SFTPB: variants seen among roughly 807,000 people sequenced by gnomAD.
SFTPB encodes the protein surfactant protein B, also known as pulmonary surfactant-associated protein B.
A neutral mutation model predicts 51.0 loss-of-function variants in SFTPB; 32 were observed. The ratio of observed to expected loss-of-function variants is 0.63; its 90% confidence interval spans 0.47 to 0.84. The LOEUF (loss-of-function observed/expected upper bound fraction) is 0.84. Ranked by LOEUF, SFTPB falls within the 40% of genes least tolerant of loss-of-function variation. The probability of loss-of-function intolerance (pLI) is 0.00; values close to 1 mark genes in which losing one functional copy is unlikely to be tolerated. For missense variants in SFTPB, 431 were observed against 491.2 expected (o/e 0.88, Z 1.16); for synonymous variants, 211 against 208.5 (o/e 1.01, Z -0.10).
At chr2:85,667,015 G>A in intron 3 of SFTPB, 91 bp downstream of exon 3, 1 of 1,233,244 alleles carries the variant, frequency 8.1e-7, no homozygotes, top group Non-Finnish European at 1.2e-6. Context: ...TCCTCAGCCT[G>A]GAAATGGCCC....
intron 1 of SFTPB, 84 bp downstream of exon 1, chr2:85,668,033 C>G: frequency 7.8e-7 from 1 of 1,277,932 alleles, no homozygotes; most frequent in Non-Finnish European, 1.1e-6. Context: ...AAAATGAGGA[C>G]AGACTTGGGT....
At chr2:85,668,082 G>C in intron 1 of SFTPB, 35 bp downstream of exon 1, 1 of 1,491,674 alleles carries the variant, frequency 6.7e-7, no homozygotes, top group Non-Finnish European at 9.2e-7. Context: ...GAGTGGTGGA[G>C]CTGCCTAGGA....
At chr2:85,666,833 C>T (rs1677674313) in intron 3 of SFTPB, 91 bp from the exon 4 acceptor site, 2 of 1,540,372 alleles carry the variant, frequency 1.3e-6, no homozygotes, top group African/African-American at 2.7e-5. Flanking sequence ...GGCAGACTGA[C>T]CCCTAATCCC....
At chr2:85,666,573 G>GA in intron 4 of SFTPB, 44 bp downstream of exon 4, 1 of 1,608,554 alleles carries the variant, frequency 6.2e-7, no homozygotes, top group Non-Finnish European at 8.5e-7. Context: ...GGGCACAGGG[G>GA]CCTGCGTGGG....
At chr2:85,666,000 A>G (rs1310078975) in intron 4 of SFTPB, among the ~76,000 whole-genome samples, 5 of 152,100 alleles carry the variant, frequency 3.3e-5, no homozygotes, top group Non-Finnish European at 7.4e-5. Context: ...TTGTGTGTGA[A>G]TGAGCATGAG....
rs778349143 is a variant in SFTPB, at chr2:85,663,861, G to A, written c.673-14C>T. 7 of 1,572,036 alleles carry A rather than the reference G, an allele frequency of 4.5e-6. No individual in the cohort carries two copies. In the South Asian group the frequency reaches 4.6e-5, roughly 10 times the overall value. On this transcript the variant is annotated splice_polypyrimidine_tract_variant and intron_variant, in intron 6 of 10. Coordinates refer to ENST00000519937, the MANE Select transcript of SFTPB (RefSeq NM_000542.5). ...AGCTAGCGCACCCTGGGGCGGGGGC[G>A]GAGAGAGGCCAGCATGGGACCTTCA...
chr2:85,660,178 A>G (rs1303876718), intron 10 of SFTPB, among the ~76,000 whole-genome samples: 1 of 148,992 alleles, frequency 6.7e-6, no homozygotes, highest in Non-Finnish European at 1.5e-5. Flanking sequence ...GCTGGAGTGC[A>G]GAGGCGCAAT....
In SFTPB at chr2:85,662,077, C is replaced by G. The variant is rs1446148558; in HGVS notation, c.1035G>C (p.Gln345His). The G allele has an allele frequency of 1.2e-6, 2 of 1,603,510 alleles. No homozygotes were observed. Among genetic ancestry groups the G allele is most frequent in the African/African-American group, 2.7e-5 (2 of 74,882 alleles). The change falls in exon 9 of 11, where the codon CAG becomes CAC. Residue 345 changes from glutamine to histidine, a missense_variant. Coordinates refer to ENST00000519937, the MANE Select transcript of SFTPB (RefSeq NM_000542.5). ...CKQFVEQHTP[Q>H]LLTLVPRGWD... is the part of the protein sequence containing the mutation. ...AGCCCCTGGGCACCAGGGTCAGCAG[C>G]TGGGGCGTGTGCTGCTCCACAAATT...
chr2:85,668,139 G>A lies in SFTPB; in HGVS notation c.45C>T (p.Pro15=). Residue 15 remains proline, a synonymous_variant, in exon 1 of 11, where the codon CCC becomes CCT. Transcript: ENST00000519937. ...HLLQWLLLLL[P]TLCGPGTAAW... ...CACCAGTGCCTGGGCCACAGAGCGTGGGCAGCAGCAGCAGCAGCCACTGCA... is the reference window on the plus strand; with the variant it reads ...CACCAGTGCCTGGGCCACAGAGCGTAGGCAGCAGCAGCAGCAGCCACTGCA... 1 of 1,551,212 alleles carries A rather than the reference G, an allele frequency of 6.4e-7. No individual in the cohort carries two copies.
upstream of SFTPB, chr2:85,668,242 C>A: frequency 6.7e-7 from 1 of 1,503,086 alleles, no homozygotes; most frequent in Non-Finnish European, 9.1e-7. Context: ...CTGGGCGGGG[C>A]GTGGGGGCTC....
At position 85,661,451 on chromosome 2, in the gene SFTPB, C is replaced by A; in HGVS notation, c.*19+3G>T. The A allele has an allele frequency of 6.2e-7, 1 of 1,604,132 alleles. No individual in the cohort carries two copies. Among genetic ancestry groups the A allele is most frequent in the Non-Finnish European group, 8.5e-7 (1 of 1,174,834 alleles). Reference sequence around the variant, plus strand: ...CTCCCCGCAACTGGGGGCCTGGACTCACCTGGACAGCTGAGTTCTCATCAA... The same window carrying A: ...CTCCCCGCAACTGGGGGCCTGGACTAACCTGGACAGCTGAGTTCTCATCAA... On this transcript the variant is annotated splice_donor_region_variant and intron_variant, in intron 10 of 10. Transcript: ENST00000519937.
At chr2:85,660,962 T>A (rs567665109) in intron 10 of SFTPB, among the ~76,000 whole-genome samples, 10 of 152,264 alleles carry the variant, frequency 6.6e-5, no homozygotes, top group African/African-American at 2.2e-4. Flanking sequence ...CCCTCCATCC[T>A]AAGGTGCTCC....
intron 8 of SFTPB, 135 bp downstream of exon 8, chr2:85,663,211 G>T: frequency 1.6e-6 from 2 of 1,235,006 alleles, no homozygotes; most frequent in Non-Finnish European, 2.3e-6. Context: ...ACCATTGTCT[G>T]CCCCACATCC....
chr2:85,665,606 CT>C lies in SFTPB; in HGVS notation c.581del (p.Gln194ArgfsTer21). ...TACTGGCTGTGGGGGCCTCCCTCAC[CT>C]GTGTGTGAGGCCCAGGCCTCGCCTG... is the stretch of plus-strand genomic sequence containing the variant. The part of the protein sequence containing the change: ...ALQARPGPHT[Q>X]DLSEQQFPIP... On this transcript the variant is annotated frameshift_variant and splice_region_variant, in exon 5 of 11. Transcript: ENST00000519937. LOFTEE classifies it high-confidence loss of function. 1 of 1,613,356 alleles carries C rather than the reference CT, an allele frequency of 6.2e-7. No homozygotes were observed. Among genetic ancestry groups the C allele is most frequent in the Admixed American group, 1.7e-5 (1 of 60,026 alleles).
intron 8 of SFTPB, 38 bp downstream of exon 8, chr2:85,663,308 G>A (rs181888994): frequency 3.0e-5 from 48 of 1,604,424 alleles, no homozygotes; most frequent in Middle Eastern, 1.7e-4. Flanking sequence ...TGCCTTGAAC[G>A]GGCCCTGACC....
At chr2:85,668,017 G>A in intron 1 of SFTPB, 100 bp downstream of exon 1, 1 of 1,230,534 alleles carries the variant, frequency 8.1e-7, no homozygotes, top group Non-Finnish European at 1.2e-6. Flanking sequence ...CAGCTGCCTT[G>A]TCTTTAAAAT....
At chr2:85,666,426 TG>T (rs1677623227) in intron 4 of SFTPB, 190 bp downstream of exon 4, 1 of 449,858 alleles carries the variant, frequency 2.2e-6, no homozygotes, top group Non-Finnish European at 4.1e-6. Flanking sequence ...TGGGGTGTTG[TG>T]TGTGTGTGTG....
At chr2:85,662,840 C>CAAAA (rs34015129) in intron 8 of SFTPB, among the ~76,000 whole-genome samples, 1 of 27,638 alleles carries the variant, frequency 3.6e-5, no homozygotes, top group Non-Finnish European at 1.0e-4. Context: ...AACTCCATCT[C>CAAAA]AAAAAAAAAA....
At position 85,662,126 on chromosome 2, in the gene SFTPB, A is replaced by G. The variant is rs866669027; in HGVS notation, c.1003-17T>C. On this transcript the variant is annotated splice_polypyrimidine_tract_variant and intron_variant, in intron 8 of 10. Transcript: ENST00000519937. Reference sequence around the variant, plus strand: ...TTGCTTGCACTGAGGAAGGAGACACACAGCTGTGGAGGGTCCCTTTGCAGG... The same window carrying G: ...TTGCTTGCACTGAGGAAGGAGACACGCAGCTGTGGAGGGTCCCTTTGCAGG... 17 of 1,592,028 alleles carry G rather than the reference A, an allele frequency of 1.1e-5. No homozygotes were observed. The Middle Eastern group carries it at 6.6e-4, about 62-fold the overall frequency.
Sources: allele counts gnomAD v4.1 joint callset (sites outside exome capture counted in the v4.1 genomes callset), GRCh38; gene constraint gnomAD v4.1.1; transcripts MANE v1.5; gene names NCBI Gene and HGNC (gene_info 2026-07-23, HGNC 2026-07-21).